LITAF: variants seen among roughly 807,000 people sequenced by gnomAD.
The protein encoded by LITAF is lipopolysaccharide induced TNF factor.
LITAF carries 9 observed loss-of-function variants against 14.5 expected under a neutral mutation model. That is an observed-to-expected ratio of 0.62 (90% CI 0.37 to 1.08). The LOEUF (loss-of-function observed/expected upper bound fraction) is 1.08, where lower values mean the gene tolerates loss of function less well. Among genes scored for constraint, LITAF ranks in the 50% least tolerant of loss-of-function variants. The pLI is 0.01. For synonymous variants in LITAF, 98 were observed against 88.2 expected (o/e 1.11, Z -0.62); for missense variants, 206 against 213.4 (o/e 0.97, Z 0.22).
chr16:11,612,580 G>A (rs908571791), intron 3 of LITAF, among the ~76,000 whole-genome samples: 2 of 152,316 alleles, frequency 1.3e-5, no homozygotes, highest in South Asian at 2.1e-4. Context: ...AGCTCAGGAC[G>A]CTCACGTGCA....
At chr16:11,617,916 G>T (rs1464565994) in intron 3 of LITAF, among the ~76,000 whole-genome samples, 1 of 151,866 alleles carries the variant, frequency 6.6e-6, no homozygotes, top group African/African-American at 2.4e-5. Context: ...TGTCACACAG[G>T]CTGGAATGTA....
intron 3 of LITAF, among the ~76,000 whole-genome samples, chr16:11,603,736 T>G (rs2064940347): frequency 6.6e-6 from 1 of 152,182 alleles, no homozygotes. Flanking sequence ...CTCCTTCTTA[T>G]AAATGCACAT....
rs570786775 is a variant in LITAF, at chr16:11,548,003, G to A, written c.*1634C>T. 33 of 454,052 alleles carry A rather than the reference G, an allele frequency of 7.3e-5. No individual in the cohort carries two copies. In the East Asian group the frequency reaches 7.6e-4, roughly 11 times the overall value. 28.1% of individuals were successfully genotyped at this position (454,052 alleles called of 1,614,324 possible). ...CAAAAGAACTCATAAATAGTTCACCGGGTGAACCAAAGACTTTATTTTTCA... is the reference window on the plus strand; with the variant it reads ...CAAAAGAACTCATAAATAGTTCACCAGGTGAACCAAAGACTTTATTTTTCA... On this transcript the variant is annotated 3_prime_UTR_variant, in exon 4 of 4. Transcript: ENST00000622633.
upstream of LITAF, chr16:11,587,377 G>A: frequency 4.4e-6 from 2 of 453,838 alleles, no homozygotes; most frequent in South Asian, 3.1e-5. Context: ...CCGGCCCTCT[G>A]GAGGGCGGCC....
chr16:11,604,560 A>G (rs2064944740), intron 3 of LITAF, among the ~76,000 whole-genome samples: 2 of 150,456 alleles, frequency 1.3e-5, no homozygotes, highest in Non-Finnish European at 3.0e-5. Context: ...TAATCCCAGC[A>G]CTTTGGGAGG....
In LITAF at chr16:11,550,825, C is replaced by T. The variant is rs79944019; in HGVS notation, c.378-1080G>A. 5.5e-3 allele frequency among the ~76,000 whole-genome samples: 835 copies of T among 152,232 alleles called. 5 individuals carry two copies. Among genetic ancestry groups the T allele is most frequent in the African/African-American group, 0.019 (794 of 41,526 alleles). On this transcript the variant is annotated intron_variant, in intron 3 of 3. Transcript: ENST00000622633. ...ATACTTTCATCCTGATGAGCCATGG[C>T]GTCTCTGTTGCAACTGCTCAACTCT...
At chr16:11,604,941 G>T (rs900180793) in intron 3 of LITAF, among the ~76,000 whole-genome samples, 9 of 152,146 alleles carry the variant, frequency 5.9e-5, no homozygotes, top group African/African-American at 2.2e-4. Context: ...TGAAGCCACT[G>T]CCATCTCGGT....
intron 1 of LITAF, among the ~76,000 whole-genome samples, chr16:11,596,472 A>AG (rs1567258353): frequency 6.1e-5 from 5 of 81,472 alleles, no homozygotes; most frequent in East Asian, 4.1e-4. Flanking sequence ...GAGGAGGAAG[A>AG]GAGAAGTAAG....
intron 3 of LITAF, among the ~76,000 whole-genome samples, chr16:11,615,450 T>A (rs1289464094): frequency 6.6e-6 from 1 of 151,666 alleles, no homozygotes; most frequent in Non-Finnish European, 1.5e-5. Context: ...GGCAGGAGAA[T>A]CGCTTGAACC....
At chr16:11,637,241 T>G (rs2065141665), upstream of LITAF, among the ~76,000 whole-genome samples, 1 of 152,020 alleles carries the variant, frequency 6.6e-6, no homozygotes, top group African/African-American at 2.4e-5. Flanking sequence ...CACAGAGAAG[T>G]GGAGAAGGGG....
chr16:11,614,150 C>G (rs2065002002), intron 3 of LITAF, among the ~76,000 whole-genome samples: 1 of 152,134 alleles, frequency 6.6e-6, no homozygotes, highest in South Asian at 2.1e-4. Context: ...GACAAATGAC[C>G]ACAAACTAGG....
chr16:11,606,282 C>T (rs555232023), intron 3 of LITAF, among the ~76,000 whole-genome samples: 2 of 151,934 alleles, frequency 1.3e-5, no homozygotes, highest in Admixed American at 6.6e-5. Flanking sequence ...CATCTGCCCA[C>T]CTCAGCCTCC....
At chr16:11,631,091 A>T (rs79675164) in intron 3 of LITAF, among the ~76,000 whole-genome samples, 2,300 of 152,276 alleles carry the variant, frequency 0.015, 80 homozygotes, top group East Asian at 0.14. Flanking sequence ...CGTGTGGTGG[A>T]CTTGGGATTT....
upstream of LITAF, among the ~76,000 whole-genome samples, chr16:11,599,888 C>T (rs974826973): frequency 1.2e-4 from 18 of 152,194 alleles, no homozygotes; most frequent in African/African-American, 4.1e-4. Context: ...AACCTGTGCT[C>T]AAACACCACT....
At chr16:11,572,664 G>A (rs1231898009) in intron 1 of LITAF, among the ~76,000 whole-genome samples, 3 of 152,110 alleles carry the variant, frequency 2.0e-5, no homozygotes, top group Non-Finnish European at 4.4e-5. Flanking sequence ...TCAAAGTCAC[G>A]GAAAACAGGA....
At chr16:11,554,824 G>T (rs2064243902) in intron 2 of LITAF, among the ~76,000 whole-genome samples, 1 of 150,766 alleles carries the variant, frequency 6.6e-6, no homozygotes, top group Non-Finnish European at 1.5e-5. Context: ...AGAACCCAGG[G>T]TGATGAAAAT....
At chr16:11,591,505 C>T (rs1266837363), upstream of LITAF, among the ~76,000 whole-genome samples, 6 of 152,010 alleles carry the variant, frequency 3.9e-5, no homozygotes, top group African/African-American at 1.4e-4. Flanking sequence ...GATTTTAAAA[C>T]TTACTACAGA....
At chr16:11,550,814 A>G (rs2064171133) in intron 3 of LITAF, among the ~76,000 whole-genome samples, 1 of 152,144 alleles carries the variant, frequency 6.6e-6, no homozygotes, top group African/African-American at 2.4e-5. Context: ...TTTCATCCTG[A>G]TGAGCCATGG....
chr16:11,563,959 T>C (rs2064413031), intron 1 of LITAF, among the ~76,000 whole-genome samples: 1 of 151,874 alleles, frequency 6.6e-6, no homozygotes, highest in Admixed American at 6.6e-5. Flanking sequence ...CAGGCTGGAG[T>C]GTAGTGGCAT....
Sources: gnomAD v4.1 joint callset for allele counts (sites outside exome capture counted in the v4.1 genomes callset) on GRCh38, gnomAD v4.1.1 for gene constraint, MANE v1.5 for transcripts, NCBI Gene and HGNC (gene_info 2026-07-23, HGNC 2026-07-21) for gene names.